UNC13C: variants seen among roughly 807,000 people sequenced by gnomAD.
UNC13C encodes protein unc-13 homolog C.
Under a neutral mutation model 245.4 loss-of-function variants are expected in UNC13C, and 174 were observed. The ratio of observed to expected loss-of-function variants is 0.71; its 90% confidence interval spans 0.63 to 0.80. The LOEUF is 0.80. UNC13C is among the 30% of genes least tolerant of loss of function. The probability of loss-of-function intolerance (pLI) is 0.00; values close to 1 mark genes in which losing one functional copy is unlikely to be tolerated. For missense variants in UNC13C, 2,829 were observed against 2,602.9 expected (o/e 1.09, Z -1.89); for synonymous variants, 992 against 895.1 (o/e 1.11, Z -1.93).
intron 19 of UNC13C, among the ~76,000 whole-genome samples, chr15:54,435,204 A>G (rs916683101): frequency 1.3e-5 from 2 of 152,120 alleles, no homozygotes; most frequent in African/African-American, 2.4e-5. Context: ...CAGAAATACC[A>G]TTTGACCCAG....
chr15:54,296,986 C>T (rs1307142018), intron 11 of UNC13C, among the ~76,000 whole-genome samples: 1 of 152,168 alleles, frequency 6.6e-6, no homozygotes, highest in Non-Finnish European at 1.5e-5. Flanking sequence ...AATAAACAGT[C>T]CAGCACTTAT....
intron 17 of UNC13C, among the ~76,000 whole-genome samples, chr15:54,380,089 C>G (rs1446145361): frequency 6.6e-6 from 1 of 152,034 alleles, no homozygotes; most frequent in East Asian, 1.9e-4. Flanking sequence ...TTTATTCCTT[C>G]TAACTAAAAT....
intron 10 of UNC13C, among the ~76,000 whole-genome samples, chr15:54,269,049 T>TTTTTGTTTTATTTTA (rs1555441243): frequency 0.02 from 3,098 of 151,152 alleles, 110 homozygotes; most frequent in African/African-American, 0.071. Context: ...TTTTTTTAAT[T>TTTTTGTTTTATTTTA]TTTTATTTTA....
intron 4 of UNC13C, among the ~76,000 whole-genome samples, chr15:54,165,828 G>T (rs2033144361): frequency 6.6e-6 from 1 of 151,288 alleles, no homozygotes; most frequent in Admixed American, 6.6e-5. Context: ...CTCTTTTTCT[G>T]TTTTCCTTTT....
chr15:53,870,506 C>T, the UNC13C span, among the ~76,000 whole-genome samples: 1 of 150,456 alleles, frequency 6.6e-6, no homozygotes, highest in African/African-American at 2.4e-5. Context: ...TACAGAGCAA[C>T]AAGGCAGAAG....
intron 19 of UNC13C, among the ~76,000 whole-genome samples, chr15:54,491,117 A>G (rs1333411226): frequency 6.6e-6 from 1 of 152,214 alleles, no homozygotes; most frequent in Non-Finnish European, 1.5e-5. Context: ...AACCTGGGGC[A>G]AGAGACACAC....
chr15:53,890,787 C>A, the UNC13C span, among the ~76,000 whole-genome samples: 2 of 151,858 alleles, frequency 1.3e-5, no homozygotes, highest in East Asian at 1.9e-4. Flanking sequence ...AGTGGCCTAT[C>A]TATTTTTTGA....
chr15:54,322,794 C>T (rs1047197500), intron 14 of UNC13C, among the ~76,000 whole-genome samples: 1 of 151,820 alleles, frequency 6.6e-6, no homozygotes, highest in African/African-American at 2.4e-5. Flanking sequence ...TGGTAAGAGT[C>T]AGAATTAAAA....
intron 2 of UNC13C, among the ~76,000 whole-genome samples, chr15:54,055,805 A>G (rs1897487334): frequency 6.6e-6 from 1 of 152,182 alleles, no homozygotes; most frequent in African/African-American, 2.4e-5. Flanking sequence ...CTAATAGGGA[A>G]TGAAAGGTCA....
intron 19 of UNC13C, among the ~76,000 whole-genome samples, chr15:54,491,741 G>A (rs950663720): frequency 3.9e-4 from 59 of 152,124 alleles, no homozygotes; most frequent in African/African-American, 1.4e-3. Flanking sequence ...GGTGGCTCAC[G>A]CTTGTAATCC....
chr15:54,440,406 G>A (rs1890456432), intron 19 of UNC13C, among the ~76,000 whole-genome samples: 1 of 152,024 alleles, frequency 6.6e-6, no homozygotes, highest in Admixed American at 6.6e-5. Context: ...AGAACAGGCA[G>A]TACTGTCTTT....
At chr15:54,139,571 T>C (rs1162475483) in intron 2 of UNC13C, among the ~76,000 whole-genome samples, 2 of 152,242 alleles carry the variant, frequency 1.3e-5, no homozygotes. Flanking sequence ...TCATCAACTA[T>C]GCATGATAGT....
chr15:54,528,404 G>T (rs181177783), intron 25 of UNC13C, among the ~76,000 whole-genome samples: 2 of 150,806 alleles, frequency 1.3e-5, no homozygotes, highest in East Asian at 3.9e-4. Flanking sequence ...GGAATATTTC[G>T]TAGGCATTAT....
intron 30 of UNC13C, among the ~76,000 whole-genome samples, chr15:54,603,527 G>A (rs1051138728): frequency 3.9e-5 from 6 of 151,990 alleles, no homozygotes; most frequent in African/African-American, 1.5e-4. Flanking sequence ...GGATCTATAA[G>A]CACTCCCACC....
At chr15:54,391,022 A>G (rs2039944432) in intron 17 of UNC13C, among the ~76,000 whole-genome samples, 1 of 152,150 alleles carries the variant, frequency 6.6e-6, no homozygotes, top group African/African-American at 2.4e-5. Flanking sequence ...GGTGTCATAA[A>G]AAAGAGTGAT....
intron 2 of UNC13C, among the ~76,000 whole-genome samples, chr15:54,065,549 T>C (rs996064562): frequency 6.6e-6 from 1 of 152,222 alleles, no homozygotes; most frequent in African/African-American, 2.4e-5. Context: ...ATAACAAGGA[T>C]TTATTTTTTG....
intron 1 of UNC13C, among the ~76,000 whole-genome samples, chr15:54,002,160 C>T (rs956879796): frequency 6.6e-6 from 1 of 152,112 alleles, no homozygotes; most frequent in African/African-American, 2.4e-5. Flanking sequence ...GTGGCGGGCA[C>T]CTGTAGTCCC....
At chr15:54,388,775 C>G (rs2140910412) in intron 17 of UNC13C, among the ~76,000 whole-genome samples, 1 of 152,180 alleles carries the variant, frequency 6.6e-6, no homozygotes, top group South Asian at 2.1e-4. Flanking sequence ...TTATCTCTCT[C>G]TTTTTGAGTA....
At chr15:54,486,048 C>T (rs1017627979) in intron 19 of UNC13C, among the ~76,000 whole-genome samples, 3 of 152,088 alleles carry the variant, frequency 2.0e-5, no homozygotes, top group Admixed American at 6.6e-5. Flanking sequence ...CCACTTGTCA[C>T]TATATTATAA....
Sources: gnomAD v4.1 joint callset for allele counts (sites outside exome capture counted in the v4.1 genomes callset) on GRCh38, gnomAD v4.1.1 for gene constraint, MANE v1.5 for transcripts, NCBI Gene and HGNC (gene_info 2026-07-23, HGNC 2026-07-21) for gene names.